C4orf51: variants seen among roughly 807,000 people sequenced by gnomAD.
The protein encoded by C4orf51 is uncharacterized protein C4orf51.
C4orf51 carries 25 observed loss-of-function variants against 25.2 expected under a neutral mutation model. That is an observed-to-expected ratio of 0.99 (90% CI 0.72 to 1.39). The LOEUF (loss-of-function observed/expected upper bound fraction) is 1.39, where lower values mean the gene tolerates loss of function less well. Among genes scored for constraint, C4orf51 ranks in the 40% most tolerant of loss-of-function variants. The pLI is 0.00. For synonymous variants in C4orf51, 100 were observed against 84.5 expected, an observed-to-expected ratio of 1.18 and a Z score of -1.01; for missense variants, 252 against 239.6, an observed-to-expected ratio of 1.05 and a Z score of -0.34.
chr4:145,752,622 G>T (rs1054822253), intron 1 of C4orf51, among the ~76,000 whole-genome samples: 1 of 152,194 alleles, frequency 6.6e-6, no homozygotes, highest in Non-Finnish European at 1.5e-5. Context: ...TTGGTGGAGG[G>T]TTGGCATGGG....
chr4:145,787,467 A>G, the C4orf51 span, among the ~76,000 whole-genome samples: 2 of 150,634 alleles, frequency 1.3e-5, no homozygotes, highest in Non-Finnish European at 3.0e-5. Context: ...GTCTCAGGAA[A>G]AAAAAAAAAA....
chr4:145,764,737 G>A (rs11939704), intron 1 of C4orf51: 227,005 of 522,394 alleles, frequency 0.43, 54,264 homozygotes, highest in Non-Finnish European at 0.52. Flanking sequence ...TTGTTTCAAC[G>A]TGTCTTTTTT....
intron 2 of C4orf51, among the ~76,000 whole-genome samples, chr4:145,707,388 A>G (rs1207127010): frequency 6.6e-6 from 1 of 152,232 alleles, no homozygotes; most frequent in Non-Finnish European, 1.5e-5. Context: ...GGGTGAACAA[A>G]TGAGAAGGTT....
At chr4:145,699,102 C>T (rs1730266106) in intron 2 of C4orf51, among the ~76,000 whole-genome samples, 1 of 151,794 alleles carries the variant, frequency 6.6e-6, no homozygotes, top group East Asian at 1.9e-4. Flanking sequence ...GAGAACAAAC[C>T]CCCTTTGACT....
At chr4:145,707,326 T>C (rs1432027544) in intron 2 of C4orf51, among the ~76,000 whole-genome samples, 1 of 152,226 alleles carries the variant, frequency 6.6e-6, no homozygotes, top group Non-Finnish European at 1.5e-5. Context: ...TCATTTTCCT[T>C]CCATTAGAAA....
the C4orf51 span, among the ~76,000 whole-genome samples, chr4:145,777,981 A>G: frequency 1.3e-5 from 2 of 152,164 alleles, no homozygotes; most frequent in Non-Finnish European, 1.5e-5. Context: ...AAGTATGCTC[A>G]GAGAATGTGA....
rs34284109 is a variant in C4orf51 at position 145,765,254 on chromosome 4, C to A, written n.167-5734C>A. ...AGCCAAGCTCCTCCCCACTTCCTCC[C>A]GCCTCCTCCGACGCCTGACAGCTAT... is the stretch of plus-strand genomic sequence containing the variant. On this transcript the variant is annotated intron_variant and non_coding_transcript_variant, in intron 1 of 1. Transcript: ENST00000510096. This position sits in a 1 kb window ranked among gnomAD's most constrained non-coding sequence, Gnocchi z 4.7. 19 of 1,387,798 alleles carry A rather than the reference C, an allele frequency of 1.4e-5. No homozygotes were observed. The highest frequency in any genetic ancestry group is 1.8e-5 in the Non-Finnish European group (19 of 1,037,916). The allele number at this position is 1,387,798 out of a possible 1,614,324, so 86.0% of individuals were successfully genotyped here.
At chr4:145,755,746 T>C (rs1028487664), downstream of C4orf51, among the ~76,000 whole-genome samples, 1 of 152,238 alleles carries the variant, frequency 6.6e-6, no homozygotes, top group Non-Finnish European at 1.5e-5. Flanking sequence ...ATTGTAGTTA[T>C]TCCCAAAATA....
At chr4:145,706,627 T>C (rs953682596) in intron 2 of C4orf51, among the ~76,000 whole-genome samples, 3 of 152,092 alleles carry the variant, frequency 2.0e-5, no homozygotes, top group Non-Finnish European at 4.4e-5. Flanking sequence ...AATTGTGTCC[T>C]GTTACAAAAG....
At chr4:145,735,351 G>C (rs191967915), downstream of C4orf51, among the ~76,000 whole-genome samples, 9 of 152,326 alleles carry the variant, frequency 5.9e-5, no homozygotes, top group African/African-American at 2.2e-4. Flanking sequence ...AGCCACCCAG[G>C]CACACATCCT....
At chr4:145,699,737 T>A (rs2126699554) in intron 2 of C4orf51, among the ~76,000 whole-genome samples, 1 of 152,250 alleles carries the variant, frequency 6.6e-6, no homozygotes, top group East Asian at 1.9e-4. Flanking sequence ...CAAGTCCCGC[T>A]TTTCTGGGGA....
At chr4:145,788,933 T>G in the C4orf51 span, among the ~76,000 whole-genome samples, 1 of 152,268 alleles carries the variant, frequency 6.6e-6, no homozygotes, top group Non-Finnish European at 1.5e-5. Flanking sequence ...TGTGGGTTTT[T>G]GTTTTGTTTC....
At chr4:145,714,949 C>A (rs1393326699) in intron 2 of C4orf51, among the ~76,000 whole-genome samples, 1 of 152,206 alleles carries the variant, frequency 6.6e-6, no homozygotes, top group East Asian at 1.9e-4. Flanking sequence ...AGAGCCAGAC[C>A]AGATGCCGAG....
chr4:145,749,759 G>A (rs530218498), intron 1 of C4orf51, among the ~76,000 whole-genome samples: 4 of 151,942 alleles, frequency 2.6e-5, no homozygotes, highest in East Asian at 1.9e-4. Flanking sequence ...TCAGCCTCCC[G>A]AGTAGCTGGA....
intron 1 of C4orf51, among the ~76,000 whole-genome samples, chr4:145,692,287 A>C (rs1054218223): frequency 6.6e-6 from 1 of 152,234 alleles, no homozygotes; most frequent in Non-Finnish European, 1.5e-5. Flanking sequence ...TCTCACAAAC[A>C]TAATGTTGGG....
intron 1 of C4orf51, among the ~76,000 whole-genome samples, chr4:145,691,198 A>G (rs187039608): frequency 2.6e-4 from 40 of 152,368 alleles, no homozygotes; most frequent in African/African-American, 9.4e-4. Flanking sequence ...GAAAATGCTC[A>G]GCATCACTGA....
chr4:145,785,642 CAATG>C, the C4orf51 span, among the ~76,000 whole-genome samples: 6 of 152,184 alleles, frequency 3.9e-5, no homozygotes, highest in African/African-American at 1.4e-4. Flanking sequence ...TCATCTTGTT[CAATG>C]TTTTCTGTTT....
chr4:145,791,406 T>A, the C4orf51 span, among the ~76,000 whole-genome samples: 1 of 152,168 alleles, frequency 6.6e-6, no homozygotes, highest in Admixed American at 6.5e-5. Flanking sequence ...GATTTTAATG[T>A]ATGAATTGAA....
At chr4:145,779,059 G>C in the C4orf51 span, among the ~76,000 whole-genome samples, 39 of 151,974 alleles carry the variant, frequency 2.6e-4, no homozygotes, top group Middle Eastern at 3.4e-3. Flanking sequence ...GTAAGATGGA[G>C]TGTGTCCCCC....
Sources: gnomAD v4.1 joint callset for allele counts (sites outside exome capture counted in the v4.1 genomes callset) on GRCh38, gnomAD v4.1.1 for gene constraint, Gnocchi (gnomAD v3.1) non-coding constraint, MANE v1.5 for transcripts, NCBI Gene and HGNC (gene_info 2026-07-23, HGNC 2026-07-21) for gene names.